LRRC3B: variants seen among roughly 807,000 people sequenced by gnomAD.
LRRC3B encodes the protein leucine rich repeat containing 3B.
LRRC3B carries 2 observed loss-of-function variants against 12.8 expected under a neutral mutation model. The observed-to-expected ratio is 0.16, with a 90% CI of 0.06 to 0.49. LRRC3B has a LOEUF of 0.49. Ranked by LOEUF, LRRC3B falls within the 20% of genes least tolerant of loss-of-function variation. The pLI, the probability that LRRC3B is intolerant of heterozygous loss-of-function variation, is 0.96. For synonymous variants in LRRC3B, 132 were observed against 122.0 expected, an observed-to-expected ratio of 1.08 and a Z score of -0.54; for missense variants, 189 against 319.4, an observed-to-expected ratio of 0.59 and a Z score of 3.11.
chr3:26,679,419 T>C (rs1489577525), intron 1 of LRRC3B, among the ~76,000 whole-genome samples: 1 of 152,218 alleles, frequency 6.6e-6, no homozygotes, highest in East Asian at 1.9e-4. Flanking sequence ...TTAGCTGCAG[T>C]CACACTCAAC....
chr3:26,632,573 A>G (rs1698781164), intron 1 of LRRC3B, among the ~76,000 whole-genome samples: 1 of 152,072 alleles, frequency 6.6e-6, no homozygotes, highest in African/African-American at 2.4e-5. Context: ...CAGGGTTTAT[A>G]TATGGTAGGA....
chr3:26,700,991 C>A (rs922940725), intron 1 of LRRC3B, among the ~76,000 whole-genome samples: 2 of 152,116 alleles, frequency 1.3e-5, no homozygotes, highest in African/African-American at 4.8e-5. Flanking sequence ...CCTTTAATTT[C>A]TATCCTCTTG....
At chr3:26,629,200 G>T in intron 1 of LRRC3B, among the ~76,000 whole-genome samples, 1 of 110,394 alleles carries the variant, frequency 9.1e-6, no homozygotes, top group Non-Finnish European at 1.7e-5. Context: ...CCCTCCCTGC[G>T]TCCTTCCTTC....
chr3:26,684,689 C>T (rs959280269), intron 1 of LRRC3B, among the ~76,000 whole-genome samples: 4 of 152,204 alleles, frequency 2.6e-5, no homozygotes, highest in African/African-American at 7.2e-5. Context: ...CCCAGGAGGG[C>T]AAAGCCCTCA....
intron 1 of LRRC3B, among the ~76,000 whole-genome samples, chr3:26,627,308 G>C (rs35062851): frequency 1.3e-5 from 2 of 152,070 alleles, no homozygotes; most frequent in Admixed American, 1.3e-4. Flanking sequence ...CAGGGAGGAG[G>C]GATAGAAGAA....
At chr3:26,695,174 A>G (rs1469579295) in intron 1 of LRRC3B, among the ~76,000 whole-genome samples, 3 of 152,162 alleles carry the variant, frequency 2.0e-5, no homozygotes, top group Non-Finnish European at 4.4e-5. Flanking sequence ...ATTTTGATGT[A>G]CCATATTTAT....
intron 1 of LRRC3B, among the ~76,000 whole-genome samples, chr3:26,665,485 T>C (rs1317741798): frequency 1.3e-5 from 2 of 152,144 alleles, no homozygotes; most frequent in Non-Finnish European, 2.9e-5. Context: ...TGTTTTCTTC[T>C]ATTGTAATCT....
At chr3:26,644,092 C>T (rs2125409934) in intron 1 of LRRC3B, among the ~76,000 whole-genome samples, 1 of 152,274 alleles carries the variant, frequency 6.6e-6, no homozygotes, top group Non-Finnish European at 1.5e-5. Flanking sequence ...ATAAAACAAG[C>T]ATAACAAAGC....
chr3:26,639,123 C>T (rs886134582), intron 1 of LRRC3B, among the ~76,000 whole-genome samples: 1 of 152,036 alleles, frequency 6.6e-6, no homozygotes, highest in Non-Finnish European at 1.5e-5. Flanking sequence ...CTGCACTGTT[C>T]AATACAAATA....
intron 1 of LRRC3B, among the ~76,000 whole-genome samples, chr3:26,677,792 G>C (rs550520707): frequency 2.6e-4 from 12 of 45,396 alleles, no homozygotes; most frequent in Middle Eastern, 8.8e-3. Flanking sequence ...TTTGCCTTTT[G>C]TTTGTTTGTT....
intron 1 of LRRC3B, among the ~76,000 whole-genome samples, chr3:26,654,459 T>A (rs1173071436): frequency 6.6e-6 from 1 of 152,168 alleles, no homozygotes; most frequent in Admixed American, 6.5e-5. Context: ...CCCAGGTGGT[T>A]CTGATACACA....
In LRRC3B at chr3:26,687,095, C is replaced by T. The variant is rs891771493; in HGVS notation, c.-160-22418C>T. Among the ~76,000 whole-genome samples, 7 of 152,290 alleles carry T rather than the reference C, an allele frequency of 4.6e-5. No homozygotes were observed. In the South Asian group the frequency reaches 8.3e-4, roughly 18 times the overall value. ...GCCTCACAATGTCCACCACTGAGAA[C>T]AGGACAGGGCATTGGTGACTGTAGT... On this transcript the variant is annotated intron_variant, in intron 1 of 1. Coordinates refer to ENST00000396641, the Ensembl canonical transcript of LRRC3B.
intron 1 of LRRC3B, among the ~76,000 whole-genome samples, chr3:26,669,623 T>C (rs968679518): frequency 1.3e-5 from 2 of 152,238 alleles, no homozygotes; most frequent in Non-Finnish European, 2.9e-5. Context: ...ATCTGTCTTA[T>C]TTGAAGAGAG....
In LRRC3B at chr3:26,689,235, A is replaced by C. The variant is rs549558748; in HGVS notation, c.-160-20278A>C. Among the ~76,000 whole-genome samples, 3 of 152,264 alleles carry C rather than the reference A, an allele frequency of 2.0e-5. 1 individual carries two copies. In the East Asian group the frequency reaches 5.8e-4, roughly 29 times the overall value. On this transcript the variant is annotated intron_variant, in intron 1 of 1. Coordinates refer to ENST00000396641, the Ensembl canonical transcript of LRRC3B. Reference sequence around the variant, plus strand: ...AATGCTGGTACATTTAAAGTGAAAAATTTACTTAGTACACATTCAGTCTCT... The same window carrying C: ...AATGCTGGTACATTTAAAGTGAAAACTTTACTTAGTACACATTCAGTCTCT...
At chr3:26,697,543 T>G (rs186996879) in intron 1 of LRRC3B, among the ~76,000 whole-genome samples, 1,593 of 152,300 alleles carry the variant, frequency 0.01, 10 homozygotes, top group Non-Finnish European at 0.016. Flanking sequence ...CAAGGTAACA[T>G]TCACAGGTTC....
chr3:26,694,073 T>C (rs1433985470), intron 1 of LRRC3B, among the ~76,000 whole-genome samples: 1 of 152,218 alleles, frequency 6.6e-6, no homozygotes, highest in Non-Finnish European at 1.5e-5. Context: ...AACTTGACAG[T>C]GATCAAGTGC....
At chr3:26,708,111 G>C (rs1161764482) in intron 1 of LRRC3B, among the ~76,000 whole-genome samples, 2 of 152,028 alleles carry the variant, frequency 1.3e-5, no homozygotes, top group African/African-American at 4.8e-5. Flanking sequence ...TATCCATCTG[G>C]GATCTTCATA....
At chr3:26,706,373 G>C (rs181247414) in intron 1 of LRRC3B, among the ~76,000 whole-genome samples, 1 of 152,114 alleles carries the variant, frequency 6.6e-6, no homozygotes, top group Non-Finnish European at 1.5e-5. Context: ...ACTTTATTCT[G>C]GCTGGGGGTG....
chr3:26,664,563 A>G (rs2125425605), intron 1 of LRRC3B, among the ~76,000 whole-genome samples: 1 of 152,206 alleles, frequency 6.6e-6, no homozygotes, highest in African/African-American at 2.4e-5. Context: ...CTAGAAGCAG[A>G]TCCTATGCTG....
Sources: allele counts gnomAD v4.1 joint callset (sites outside exome capture counted in the v4.1 genomes callset), GRCh38; gene constraint gnomAD v4.1.1; transcripts MANE v1.5; gene names NCBI Gene and HGNC (gene_info 2026-07-23, HGNC 2026-07-21).